Variants in ZCCHC7 observed in about 807,000 individuals in gnomAD.
ZCCHC7 encodes the protein zinc finger CCHC-type containing 7, also known as zinc finger CCHC domain-containing protein 7.
A neutral mutation model predicts 52.0 loss-of-function variants in ZCCHC7; 35 were observed. The ratio of observed to expected loss-of-function variants is 0.67; its 90% CI spans 0.51 to 0.89. The LOEUF is 0.89. Ranked by LOEUF, ZCCHC7 falls within the 40% of genes least tolerant of loss-of-function variation. The pLI, the probability that ZCCHC7 is intolerant of heterozygous loss-of-function variation, is 0.00. For synonymous variants in ZCCHC7, 217 were observed against 221.5 expected (o/e 0.98, Z 0.18); for missense variants, 574 against 649.1 (o/e 0.88, Z 1.26).
At chr9:37,194,833 A>G (rs2133122759) in intron 2 of ZCCHC7, among the ~76,000 whole-genome samples, 1 of 152,330 alleles carries the variant, frequency 6.6e-6, no homozygotes, top group East Asian at 1.9e-4. Context: ...GTTATTATAT[A>G]TACAAATTCT....
At chr9:37,158,801 C>G (rs1003998248) in intron 2 of ZCCHC7, among the ~76,000 whole-genome samples, 1 of 152,076 alleles carries the variant, frequency 6.6e-6, no homozygotes, top group Non-Finnish European at 1.5e-5. Flanking sequence ...GGGGCAGTCA[C>G]CAGTTGTTTA....
intron 2 of ZCCHC7, among the ~76,000 whole-genome samples, chr9:37,297,820 A>T (rs1293048241): frequency 2.0e-5 from 3 of 152,192 alleles, no homozygotes; most frequent in Admixed American, 6.5e-5. Flanking sequence ...CTCTGTAATT[A>T]TCTGTAGCTA....
At chr9:37,206,116 T>C (rs890006795) in intron 2 of ZCCHC7, among the ~76,000 whole-genome samples, 4 of 152,166 alleles carry the variant, frequency 2.6e-5, no homozygotes, top group Non-Finnish European at 5.9e-5. Flanking sequence ...TTAACAGATA[T>C]ATGTCTAAAA....
intron 2 of ZCCHC7, among the ~76,000 whole-genome samples, chr9:37,204,659 G>T (rs1420496651): frequency 2.0e-5 from 3 of 152,126 alleles, no homozygotes; most frequent in African/African-American, 7.2e-5. Flanking sequence ...CTGTTCCACT[G>T]GTCTATATGT....
intron 2 of ZCCHC7, among the ~76,000 whole-genome samples, chr9:37,189,679 C>G (rs1004494915): frequency 6.6e-6 from 1 of 152,088 alleles, no homozygotes; most frequent in African/African-American, 2.4e-5. Flanking sequence ...TGAGCCACCA[C>G]GCCCAGCTGA....
Position 37,248,516 on chromosome 9 carries a change from C to T in ZCCHC7, c.611-53672C>T, listed in dbSNP as rs1826177657. On this transcript the variant is annotated intron_variant, in intron 2 of 8. Coordinates refer to ENST00000336755, the MANE Select transcript of ZCCHC7 (RefSeq NM_032226.3). Reference sequence around the variant, plus strand: ...CTTCAGTTAATCCAGATTTCCTACCCAATAACATTGTTTGGGAGCCAGGGA... The same window carrying T: ...CTTCAGTTAATCCAGATTTCCTACCTAATAACATTGTTTGGGAGCCAGGGA... Among the ~76,000 whole-genome samples, 7 of 152,132 alleles carry T rather than the reference C, an allele frequency of 4.6e-5. No homozygotes were observed. In the South Asian group the frequency reaches 1.2e-3, roughly 27 times the overall value.
intron 2 of ZCCHC7, among the ~76,000 whole-genome samples, chr9:37,291,684 G>GT (rs1828544614): frequency 6.6e-6 from 1 of 151,736 alleles, no homozygotes; most frequent in Non-Finnish European, 1.5e-5. Context: ...TTTTGTTTTT[G>GT]TTTTTTTGAG....
intron 8 of ZCCHC7, among the ~76,000 whole-genome samples, chr9:37,355,533 T>TTATTA (rs1821645095): frequency 6.6e-6 from 1 of 152,216 alleles, no homozygotes; most frequent in African/African-American, 2.4e-5. Context: ...AGGTACTAAT[T>TTATTA]CTGAGGAAAA....
At chr9:37,213,153 A>G (rs1824329199) in intron 2 of ZCCHC7, among the ~76,000 whole-genome samples, 1 of 152,226 alleles carries the variant, frequency 6.6e-6, no homozygotes, top group Non-Finnish European at 1.5e-5. Flanking sequence ...TTTAGTACCA[A>G]GAAGGATTAA....
intron 2 of ZCCHC7, among the ~76,000 whole-genome samples, chr9:37,131,891 G>T (rs1252742438): frequency 6.6e-6 from 1 of 152,182 alleles, no homozygotes; most frequent in Non-Finnish European, 1.5e-5. Context: ...GGTTTTGCCT[G>T]TAGTAAATTC....
intron 2 of ZCCHC7, among the ~76,000 whole-genome samples, chr9:37,270,327 C>G (rs977103280): frequency 6.6e-6 from 1 of 152,128 alleles, no homozygotes. Flanking sequence ...TTATCAGAGT[C>G]AAGTTCTTGG....
chr9:37,294,665 A>C (rs1225993487), intron 2 of ZCCHC7, among the ~76,000 whole-genome samples: 1 of 152,156 alleles, frequency 6.6e-6, no homozygotes, highest in East Asian at 1.9e-4. Context: ...ATGTGCCCCA[A>C]TTCAGAACAG....
intron 5 of ZCCHC7, among the ~76,000 whole-genome samples, chr9:37,324,923 T>G (rs1375715354): frequency 6.6e-6 from 1 of 152,226 alleles, no homozygotes; most frequent in Non-Finnish European, 1.5e-5. Flanking sequence ...TGTTTAAGAT[T>G]GAGTGTTTTA....
chr9:37,177,013 GA>G (rs1822071602), intron 2 of ZCCHC7, among the ~76,000 whole-genome samples: 1 of 152,188 alleles, frequency 6.6e-6, no homozygotes, highest in South Asian at 2.1e-4. Flanking sequence ...CAGGACAACA[GA>G]AAGTTGAGAG....
intron 2 of ZCCHC7, among the ~76,000 whole-genome samples, chr9:37,174,742 G>A (rs1315458502): frequency 6.6e-6 from 1 of 152,184 alleles, no homozygotes; most frequent in Admixed American, 6.5e-5. Context: ...CACTATTTAA[G>A]GGTTTGGAGT....
intron 2 of ZCCHC7, among the ~76,000 whole-genome samples, chr9:37,133,099 A>G (rs1366348875): frequency 6.6e-6 from 1 of 152,208 alleles, no homozygotes; most frequent in Non-Finnish European, 1.5e-5. Context: ...GTGCCACTGC[A>G]TTCTAGCCTG....
chr9:37,175,996 A>C (rs928781959), intron 2 of ZCCHC7, among the ~76,000 whole-genome samples: 2 of 152,182 alleles, frequency 1.3e-5, no homozygotes, highest in South Asian at 4.1e-4. Context: ...AATTAGTGTA[A>C]TGGTTGAATA....
chr9:37,318,512 T>G (rs1157049963), intron 5 of ZCCHC7, among the ~76,000 whole-genome samples: 1 of 151,826 alleles, frequency 6.6e-6, no homozygotes, highest in Non-Finnish European at 1.5e-5. Flanking sequence ...TATAAATAAG[T>G]TGCTAGTACA....
chr9:37,230,773 GA>G (rs1825364456), intron 2 of ZCCHC7, among the ~76,000 whole-genome samples: 1 of 151,986 alleles, frequency 6.6e-6, no homozygotes, highest in Admixed American at 6.6e-5. Context: ...CCTCAGACTA[GA>G]TTTTTTTTCA....
Sources: gnomAD v4.1 joint callset for allele counts (sites outside exome capture counted in the v4.1 genomes callset) on GRCh38, gnomAD v4.1.1 for gene constraint, MANE v1.5 for transcripts, NCBI Gene and HGNC (gene_info 2026-07-23, HGNC 2026-07-21) for gene names.